Variants in TPTE observed in about 807,000 individuals in gnomAD.
The protein encoded by TPTE is putative tyrosine-protein phosphatase TPTE.
TPTE carries 59 observed loss-of-function variants against 84.1 expected under a neutral mutation model. The observed-to-expected ratio is 0.70, with a 90% confidence interval of 0.57 to 0.87. The LOEUF (loss-of-function observed/expected upper bound fraction) is 0.87, where lower values mean the gene tolerates loss of function less well. TPTE is among the 40% of genes least tolerant of loss of function. TPTE has a pLI of 0.00. For missense variants in TPTE, 382 were observed against 659.6 expected (o/e 0.58, Z 4.61); for synonymous variants, 130 against 223.5 (o/e 0.58, Z 3.73).
chr21:10,585,998 C>A (rs1250351978), intron 17 of TPTE, among the ~76,000 whole-genome samples: 27 of 152,368 alleles, frequency 1.8e-4, no homozygotes, highest in Middle Eastern at 3.4e-3. Flanking sequence ...ACGGATTTAT[C>A]AATTTTACTA....
intron 7 of TPTE, among the ~76,000 whole-genome samples, chr21:10,550,780 C>T (rs2074558162): frequency 6.6e-6 from 1 of 152,308 alleles, no homozygotes. Context: ...GAACATCTCA[C>T]CTAACAGCTG....
chr21:10,575,964 A>G (rs1213352652), intron 14 of TPTE, among the ~76,000 whole-genome samples: 1 of 152,308 alleles, frequency 6.6e-6, no homozygotes, highest in African/African-American at 2.4e-5. Context: ...GAGACAAAGA[A>G]ATGCTGTTGG....
At chr21:10,580,669 A>AT (rs1224121343) in intron 17 of TPTE, among the ~76,000 whole-genome samples, 99 of 152,236 alleles carry the variant, frequency 6.5e-4, no homozygotes, top group African/African-American at 2.1e-3. Context: ...AAATGCATGG[A>AT]TTTTTTCTGG....
intron 4 of TPTE, among the ~76,000 whole-genome samples, chr21:10,539,464 A>G (rs575762687): frequency 2.5e-3 from 380 of 152,212 alleles, no homozygotes; most frequent in Non-Finnish European, 3.9e-3. Flanking sequence ...GAAGTGGGCC[A>G]TAGATGGGAT....
chr21:10,522,564 T>C (rs1396106921), intron 1 of TPTE, among the ~76,000 whole-genome samples: 2 of 152,310 alleles, frequency 1.3e-5, no homozygotes, highest in African/African-American at 2.4e-5. Context: ...TTTCTTATTG[T>C]AGTTTTAATC....
intron 14 of TPTE, among the ~76,000 whole-genome samples, chr21:10,572,812 A>G (rs1436526805): frequency 6.6e-6 from 1 of 152,300 alleles, no homozygotes; most frequent in East Asian, 1.9e-4. Flanking sequence ...ACAAACGTGT[A>G]AAACTCACCT....
chr21:10,530,502 C>G (rs1210348951), intron 3 of TPTE, among the ~76,000 whole-genome samples: 2 of 152,430 alleles, frequency 1.3e-5, no homozygotes, highest in East Asian at 3.8e-4. Context: ...GATTATTCTT[C>G]TTGTGCATAC....
intron 7 of TPTE, among the ~76,000 whole-genome samples, chr21:10,549,291 T>C (rs1370785117): frequency 1.6e-4 from 24 of 152,298 alleles, no homozygotes; most frequent in Non-Finnish European, 7.3e-5. Flanking sequence ...TAGAAATCAA[T>C]TTAGAAACAC....
chr21:10,545,996 CAT>C (rs1257542905), intron 7 of TPTE, among the ~76,000 whole-genome samples: 22 of 152,340 alleles, frequency 1.4e-4, no homozygotes, highest in Admixed American at 1.1e-3. Flanking sequence ...TTTATATATA[CAT>C]ATATGTGTGT....
At chr21:10,580,275 C>G (rs1390123803) in intron 17 of TPTE, among the ~76,000 whole-genome samples, 1 of 152,306 alleles carries the variant, frequency 6.6e-6, no homozygotes, top group Non-Finnish European at 1.5e-5. Flanking sequence ...CGAATGTATG[C>G]TTTGTAGATA....
intron 2 of TPTE, among the ~76,000 whole-genome samples, chr21:10,526,517 T>C (rs140404156): frequency 0.015 from 2,334 of 151,364 alleles, no homozygotes; most frequent in Non-Finnish European, 0.026. Context: ...CAGCACACTC[T>C]TAGAGAATCC....
intron 7 of TPTE, among the ~76,000 whole-genome samples, chr21:10,545,201 C>A (rs532367031): frequency 2.0e-5 from 3 of 152,008 alleles, no homozygotes; most frequent in Admixed American, 1.3e-4. Flanking sequence ...TTTCAAAATA[C>A]GGAGAGAAAG....
intron 17 of TPTE, among the ~76,000 whole-genome samples, chr21:10,585,702 C>G (rs2075351709): frequency 1.3e-5 from 2 of 152,308 alleles, no homozygotes; most frequent in African/African-American, 2.4e-5. Context: ...GTGAAATTCA[C>G]CAGTGAACGC....
intron 21 of TPTE, among the ~76,000 whole-genome samples, chr21:10,600,455 A>G (rs545329050): frequency 6.6e-6 from 1 of 152,412 alleles, no homozygotes; most frequent in Admixed American, 6.5e-5. Flanking sequence ...TCTAATTTCT[A>G]CTTTGTGTTA....
intron 19 of TPTE, among the ~76,000 whole-genome samples, chr21:10,592,872 GAAAAT>G (rs1177344611): frequency 2.6e-3 from 380 of 148,918 alleles, no homozygotes; most frequent in South Asian, 0.016. Context: ...TTTTAAAAGA[GAAAAT>G]AAAAGGGAAA....
chr21:10,599,827 G>T (rs202038802), intron 21 of TPTE, among the ~76,000 whole-genome samples: 4 of 149,940 alleles, frequency 2.7e-5, no homozygotes, highest in African/African-American at 7.5e-5. Flanking sequence ...TAGTTAGTTA[G>T]TTGGTTCTTT....
At chr21:10,583,141 G>T (rs2075299998) in intron 17 of TPTE, among the ~76,000 whole-genome samples, 1 of 152,308 alleles carries the variant, frequency 6.6e-6, no homozygotes, top group African/African-American at 2.4e-5. Context: ...AATGAATCTT[G>T]AACTTTACTT....
chr21:10,556,769 G>T (rs1438014672), intron 8 of TPTE, among the ~76,000 whole-genome samples: 2 of 152,310 alleles, frequency 1.3e-5, no homozygotes, highest in African/African-American at 4.8e-5. Context: ...TTGTGGTTTT[G>T]ATTTGCATTT....
intron 10 of TPTE, among the ~76,000 whole-genome samples, chr21:10,564,804 T>A (rs1348163692): frequency 6.6e-6 from 1 of 152,308 alleles, no homozygotes; most frequent in Non-Finnish European, 1.5e-5. Context: ...TCAACATCCC[T>A]TCATGGTAAA....
Sources: gnomAD v4.1 joint callset for allele counts (sites outside exome capture counted in the v4.1 genomes callset) on GRCh38, gnomAD v4.1.1 for gene constraint, MANE v1.5 for transcripts, NCBI Gene and HGNC (gene_info 2026-07-23, HGNC 2026-07-21) for gene names.